ARHGEF9: variants seen among roughly 807,000 people sequenced by gnomAD.
The protein encoded by ARHGEF9 is rho guanine nucleotide exchange factor 9.
ARHGEF9 carries 2 observed loss-of-function variants against 41.3 expected under a neutral mutation model. The observed-to-expected ratio is 0.05, with a 90% CI of 0.02 to 0.15. The LOEUF (loss-of-function observed/expected upper bound fraction) is 0.15. Ranked by LOEUF, ARHGEF9 falls within the 10% of genes least tolerant of loss-of-function variation. The pLI is 1.00. For synonymous variants in ARHGEF9, 160 were observed against 154.4 expected (o/e 1.04, Z -0.27); for missense variants, 225 against 424.7 (o/e 0.53, Z 4.13).
At chrX:63,733,599 G>T (rs781828960) in intron 1 of ARHGEF9, among the ~76,000 whole-genome samples, 5 of 112,623 alleles carry the variant, frequency 4.4e-5, no homozygotes, top group Non-Finnish European at 9.4e-5. Context: ...TAAATATGCT[G>T]AATGGAAGTA....
chrX:63,768,919 A>C (rs1212596831), intron 1 of ARHGEF9, among the ~76,000 whole-genome samples: 2 of 112,153 alleles, frequency 1.8e-5, no homozygotes, highest in South Asian at 3.7e-4. Context: ...GCCCAGTTTC[A>C]GGTATGTATG....
intron 2 of ARHGEF9, chrX:63,707,394 C>T (rs1274951157): frequency 9.8e-6 from 1 of 102,210 alleles, no homozygotes; most frequent in Non-Finnish European, 2.0e-5. Flanking sequence ...ACCTTTGGGA[C>T]GGCCGAGTGA....
chrX:63,658,945 G>A (rs1556338952), intron 7 of ARHGEF9, among the ~76,000 whole-genome samples: 1 of 111,455 alleles, frequency 9.0e-6, no homozygotes, highest in Non-Finnish European at 1.9e-5. Context: ...TCCAATCTTA[G>A]CCTTCGAGGT....
At chrX:63,663,819 C>G (rs2049358924) in intron 7 of ARHGEF9, among the ~76,000 whole-genome samples, 1 of 112,296 alleles carries the variant, frequency 8.9e-6, no homozygotes, top group Non-Finnish European at 1.9e-5. Flanking sequence ...AATGGAAAGT[C>G]TTATTGTAGA....
chrX:63,722,681 C>T (rs1159753826), intron 2 of ARHGEF9: 1 of 111,472 alleles, frequency 9.0e-6, no homozygotes, highest in African/African-American at 3.3e-5. Flanking sequence ...AAATGAAATG[C>T]ATTTGGATTT....
At chrX:63,698,482 A>T (rs1261901524) in intron 3 of ARHGEF9, among the ~76,000 whole-genome samples, 1 of 111,623 alleles carries the variant, frequency 9.0e-6, no homozygotes, top group African/African-American at 3.3e-5. Flanking sequence ...GGTGAGAAGA[A>T]ATTATAGTCA....
chrX:63,769,356 C>T (rs2056165133), intron 1 of ARHGEF9, among the ~76,000 whole-genome samples: 1 of 110,018 alleles, frequency 9.1e-6, no homozygotes, highest in Admixed American at 9.7e-5. Context: ...CAAGATGTGA[C>T]TTGGGTGCTA....
At chrX:63,766,041 G>A (rs1317131772) in intron 1 of ARHGEF9, among the ~76,000 whole-genome samples, 4 of 111,856 alleles carry the variant, frequency 3.6e-5, no homozygotes, top group East Asian at 2.8e-4. Flanking sequence ...CCTCTTCCCC[G>A]CTGTATTTTT....
chrX:63,675,676 T>C (rs2050218593), intron 5 of ARHGEF9, among the ~76,000 whole-genome samples: 1 of 112,445 alleles, frequency 8.9e-6, no homozygotes, highest in Non-Finnish European at 1.9e-5. Context: ...TCACATGGGA[T>C]GCCTCTTAAA....
At chrX:63,724,383 T>C in intron 2 of ARHGEF9, 149 bp downstream of exon 2, 2 of 608,173 alleles carry the variant, frequency 3.3e-6, no homozygotes, top group Admixed American at 7.4e-5. Context: ...GAAGCCCAGG[T>C]TCTCTGTATG....
At chrX:63,694,891 A>ATTTTT (rs2051632840) in intron 4 of ARHGEF9, among the ~76,000 whole-genome samples, 3 of 112,429 alleles carry the variant, frequency 2.7e-5, no homozygotes, top group African/African-American at 9.7e-5. Flanking sequence ...GATAAAAATG[A>ATTTTT]AATTCTAGAA....
chrX:63,775,907 G>T (rs1556458127), intron 1 of ARHGEF9, among the ~76,000 whole-genome samples: 1 of 111,051 alleles, frequency 9.0e-6, no homozygotes, highest in Non-Finnish European at 1.9e-5. Context: ...ACAATACCCT[G>T]AACCCCTCAC....
chrX:63,648,479 C>G (rs1223403769), intron 8 of ARHGEF9, among the ~76,000 whole-genome samples: 1 of 111,425 alleles, frequency 9.0e-6, no homozygotes, highest in East Asian at 2.8e-4. Context: ...ACAACCTGTA[C>G]CAGCCACTGC....
chrX:63,676,163 C>T (rs1474704239), intron 5 of ARHGEF9, among the ~76,000 whole-genome samples: 1 of 112,183 alleles, frequency 8.9e-6, no homozygotes, highest in Non-Finnish European at 1.9e-5. Context: ...TCACTCCAAT[C>T]TGTGATCTGC....
chrX:63,684,832 G>T (rs1396938235), intron 4 of ARHGEF9, among the ~76,000 whole-genome samples: 2 of 109,583 alleles, frequency 1.8e-5, no homozygotes, highest in Non-Finnish European at 3.8e-5. Flanking sequence ...CAACATGGAG[G>T]AACCTAGAGG....
chrX:63,749,883 T>C (rs1556438777), intron 1 of ARHGEF9, among the ~76,000 whole-genome samples: 4 of 112,355 alleles, frequency 3.6e-5, no homozygotes, highest in Non-Finnish European at 7.5e-5. Context: ...ATAAACTAAA[T>C]ACTCTATGGA....
intron 3 of ARHGEF9, among the ~76,000 whole-genome samples, 199 bp downstream of exon 3, chrX:63,706,059 G>GA (rs1481991775): frequency 1.8e-5 from 2 of 111,362 alleles, no homozygotes; most frequent in Non-Finnish European, 3.8e-5. Context: ...TAGACAGAGA[G>GA]AAAAATGTGA....
In ARHGEF9 at chrX:63,697,029, G is replaced by A. The variant is rs1462222640; in HGVS notation, c.582+96C>T. 15 of 976,901 alleles carry A rather than the reference G, an allele frequency of 1.5e-5. No individual in the cohort carries two copies. In the Admixed American group the frequency reaches 1.6e-4, roughly 10 times the overall value. 80.5% of individuals were successfully genotyped at this position (976,901 alleles called of 1,213,427 possible). ...CAAGAGGAACCCATTCCCCACTGCA[G>A]GAAAAAGGAGCTGAACAGAACCAGA... On this transcript the variant is annotated intron_variant, in intron 4 of 9. Coordinates refer to ENST00000671741, the MANE Select transcript of ARHGEF9 (RefSeq NM_001353921.2).
At chrX:63,709,541 A>G (rs2052775089) in intron 2 of ARHGEF9, among the ~76,000 whole-genome samples, 1 of 111,466 alleles carries the variant, frequency 9.0e-6, no homozygotes, top group South Asian at 3.8e-4. Context: ...TCTAGCTTTT[A>G]CCCTTCCCAC....
Sources: allele counts gnomAD v4.1 joint callset (sites outside exome capture counted in the v4.1 genomes callset), GRCh38; gene constraint gnomAD v4.1.1; transcripts MANE v1.5; gene names NCBI Gene and HGNC (gene_info 2026-07-23, HGNC 2026-07-21).